LRRC20: variants seen among roughly 807,000 people sequenced by gnomAD.
LRRC20 encodes leucine-rich repeat-containing protein 20.
LRRC20 carries 11 observed loss-of-function variants against 14.4 expected under a neutral mutation model. That is an observed-to-expected ratio of 0.77 (90% confidence interval 0.48 to 1.27). The LOEUF is 1.27. Ranked by LOEUF, LRRC20 falls within the 50% of genes most tolerant of loss-of-function variation. The pLI is 0.00. For missense variants in LRRC20, 219 were observed against 251.2 expected (o/e 0.87, Z 0.87); for synonymous variants, 121 against 107.3 (o/e 1.13, Z -0.79).
At chr10:70,322,635 A>C (rs1385265920) in intron 4 of LRRC20, among the ~76,000 whole-genome samples, 3 of 152,144 alleles carry the variant, frequency 2.0e-5, no homozygotes, top group African/African-American at 7.2e-5. Context: ...TGGGAGCATA[A>C]GACTGAACCA....
intron 2 of LRRC20, among the ~76,000 whole-genome samples, chr10:70,373,923 C>A (rs534274067): frequency 6.6e-6 from 1 of 152,328 alleles, no homozygotes; most frequent in South Asian, 2.1e-4. Context: ...TCGCAGCATG[C>A]CCTGCCCTAG....
Position 70,313,042 on chromosome 10 carries a change from C to T in LRRC20, c.400+10821G>A, listed in dbSNP as rs146597061. Among the ~76,000 whole-genome samples, 218 of 152,358 alleles carry T rather than the reference C, an allele frequency of 1.4e-3. 1 individual carries two copies. The highest frequency in any genetic ancestry group is 4.9e-3 in the African/African-American group (202 of 41,586). On this transcript the variant is annotated intron_variant, in intron 4 of 4. Coordinates refer to ENST00000446961, the MANE Select transcript of LRRC20 (RefSeq NM_001278212.2). ...TGGGCATTGAGGGGGCCACCCACCACAGCCTTTCCCTCCAAAGAGTCCCCT... is the reference window on the plus strand; with the variant it reads ...TGGGCATTGAGGGGGCCACCCACCATAGCCTTTCCCTCCAAAGAGTCCCCT...
intron 4 of LRRC20, among the ~76,000 whole-genome samples, chr10:70,311,803 C>A (rs1397754575): frequency 1.3e-5 from 2 of 152,172 alleles, no homozygotes; most frequent in African/African-American, 4.8e-5. Context: ...CTGGCTGGCC[C>A]TCCTCCCACT....
chr10:70,341,727 C>T (rs1842920974), intron 2 of LRRC20, among the ~76,000 whole-genome samples: 1 of 152,164 alleles, frequency 6.6e-6, no homozygotes, highest in Non-Finnish European at 1.5e-5. Context: ...CAGGTCATAC[C>T]ACTGCACACC....
At chr10:70,334,368 G>C (rs1353785132) in intron 3 of LRRC20, among the ~76,000 whole-genome samples, 1 of 152,090 alleles carries the variant, frequency 6.6e-6, no homozygotes. Flanking sequence ...TAGGAAGCTG[G>C]GGAGGAACAG....
chr10:70,374,771 A>G (rs4747022), intron 2 of LRRC20, among the ~76,000 whole-genome samples: 147,625 of 152,302 alleles, frequency 0.97, 71,694 homozygotes, highest in Non-Finnish European at 1. Flanking sequence ...ACCTGTAGAA[A>G]GTGCATTTGC....
At position 70,301,116 on chromosome 10, in the gene LRRC20, C is replaced by A. The variant is rs1264945840; in HGVS notation, c.*238G>T. 36 of 1,340,512 alleles carry A rather than the reference C, an allele frequency of 2.7e-5. No homozygotes were observed. Among genetic ancestry groups the A allele is most frequent in the Non-Finnish European group, 3.4e-5 (36 of 1,048,338 alleles). The allele number at this position is 1,340,512 out of a possible 1,614,324, so 83.0% of individuals were successfully genotyped here. A position where few individuals can be genotyped will look rare whatever the true frequency, so the allele number is the denominator to read the frequency against. On this transcript the variant is annotated 3_prime_UTR_variant, in exon 5 of 5. Transcript: ENST00000446961. The stretch of plus-strand genomic sequence containing the variant: ...GGCAGGAGATCTGCCTGAGTTTGCA[C>A]AGCAGCTGTGAGTGCCGAGTCCAGG...
chr10:70,354,045 T>A (rs954035106), intron 2 of LRRC20, among the ~76,000 whole-genome samples: 2 of 152,142 alleles, frequency 1.3e-5, no homozygotes, highest in Non-Finnish European at 2.9e-5. Flanking sequence ...CCCTTAGTTT[T>A]CAAATCTTGG....
intron 4 of LRRC20, among the ~76,000 whole-genome samples, chr10:70,311,103 A>C (rs1299080245): frequency 6.6e-6 from 1 of 152,130 alleles, no homozygotes; most frequent in Non-Finnish European, 1.5e-5. Flanking sequence ...ATATGCTGTA[A>C]ATATCTTTTC....
chr10:70,331,949 G>A (rs1842553560), intron 3 of LRRC20, among the ~76,000 whole-genome samples: 1 of 152,220 alleles, frequency 6.6e-6, no homozygotes, highest in African/African-American at 2.4e-5. Context: ...CCAGCTGAGA[G>A]AGAAGCTTGC....
chr10:70,326,297 TACACACACAC>T (rs3998644), intron 3 of LRRC20, among the ~76,000 whole-genome samples: 7 of 140,382 alleles, frequency 5.0e-5, no homozygotes, highest in Non-Finnish European at 7.6e-5. Context: ...CGCCTCTGTG[TACACACACAC>T]ACACACACAC....
intron 4 of LRRC20, among the ~76,000 whole-genome samples, chr10:70,319,497 C>CCTTAGAAACCCTTAGAAA (rs1339412438): frequency 8.5e-5 from 13 of 152,306 alleles, no homozygotes; most frequent in African/African-American, 3.1e-4. Flanking sequence ...TAGAAACCCT[C>CCTTAGAAACCCTTAGAAA]CCACAAGGAC....
At chr10:70,372,295 C>A (rs1176845612) in intron 2 of LRRC20, among the ~76,000 whole-genome samples, 1 of 152,108 alleles carries the variant, frequency 6.6e-6, no homozygotes, top group Non-Finnish European at 1.5e-5. Context: ...TTTTCTAACT[C>A]CCATTTCCAT....
At chr10:70,352,431 A>G (rs1589105511) in intron 2 of LRRC20, among the ~76,000 whole-genome samples, 2 of 152,368 alleles carry the variant, frequency 1.3e-5, no homozygotes, top group Admixed American at 6.5e-5. Flanking sequence ...GTAGCATTTT[A>G]TCAGTGGCAA....
intron 1 of LRRC20, among the ~76,000 whole-genome samples, chr10:70,379,129 G>C (rs1348152186): frequency 6.6e-6 from 1 of 152,142 alleles, no homozygotes; most frequent in Non-Finnish European, 1.5e-5. Context: ...TACAGGTCAA[G>C]AGACTCTTAC....
intron 2 of LRRC20, among the ~76,000 whole-genome samples, chr10:70,374,526 T>A (rs189887186): frequency 3.3e-4 from 50 of 152,200 alleles, no homozygotes; most frequent in African/African-American, 1.2e-3. Flanking sequence ...ATTTTTTGAA[T>A]TTTTAGTATG....
At chr10:70,356,891 AC>A (rs986209917) in intron 2 of LRRC20, among the ~76,000 whole-genome samples, 7 of 152,300 alleles carry the variant, frequency 4.6e-5, no homozygotes, top group South Asian at 4.1e-4. Flanking sequence ...ACAAAAAAAA[AC>A]ACCTGTATAT....
chr10:70,334,234 C>T (rs1296486029), intron 3 of LRRC20, among the ~76,000 whole-genome samples: 2 of 152,166 alleles, frequency 1.3e-5, no homozygotes, highest in African/African-American at 2.4e-5. Context: ...TCCCATTGAC[C>T]GCACAAAGCT....
At chr10:70,318,377 G>A (rs1409902491) in intron 4 of LRRC20, among the ~76,000 whole-genome samples, 1 of 152,208 alleles carries the variant, frequency 6.6e-6, no homozygotes, top group Non-Finnish European at 1.5e-5. Context: ...TATCGGCTGG[G>A]ATAGTAAGGT....
Sources: allele counts gnomAD v4.1 joint callset (sites outside exome capture counted in the v4.1 genomes callset), GRCh38; gene constraint gnomAD v4.1.1; transcripts MANE v1.5; gene names NCBI Gene and HGNC (gene_info 2026-07-23, HGNC 2026-07-21).